STAG2: variants seen among roughly 807,000 people sequenced by gnomAD.
STAG2 encodes the protein cohesin subunit SA-2.
STAG2 carries 14 observed loss-of-function variants against 108.1 expected under a neutral mutation model. The observed-to-expected ratio is 0.13, with a 90% CI of 0.09 to 0.20. STAG2 has a LOEUF of 0.20. Among genes scored for constraint, STAG2 ranks in the 10% least tolerant of loss-of-function variants. The probability of loss-of-function intolerance (pLI) is 1.00; values close to 1 mark genes in which losing one functional copy is unlikely to be tolerated. For missense variants in STAG2, 440 were observed against 940.9 expected (o/e 0.47, Z 6.96); for synonymous variants, 307 against 302.7 (o/e 1.01, Z -0.15).
Position 124,002,404 on chromosome X carries a change from G to T in STAG2, c.-162-18963G>T, listed in dbSNP as rs762595997. On this transcript the variant is annotated intron_variant, in intron 1 of 34. Transcript: ENST00000371145. ...TTTGGGAGGCCAAGGCGGGAGCATT[G>T]CTTGCACTCGGGAGTTATAGGTTTG... Among the ~76,000 whole-genome samples the T allele has an allele frequency of 6.3e-5, 7 of 111,839 alleles. No homozygotes were observed. In the East Asian group the frequency reaches 1.7e-3, roughly 27 times the overall value.
chrX:124,057,233 A>G (rs1327246533), intron 14 of STAG2, among the ~76,000 whole-genome samples: 4 of 112,355 alleles, frequency 3.6e-5, no homozygotes, highest in Non-Finnish European at 7.5e-5. Context: ...AGATTGTTAT[A>G]TAATGGCTTT....
At chrX:124,020,914 T>C (rs1320961840) in intron 1 of STAG2, among the ~76,000 whole-genome samples, 34 of 111,783 alleles carry the variant, frequency 3.0e-4, no homozygotes, top group Non-Finnish European at 1.1e-4. Context: ...TCAAGTGACC[T>C]GCCCGCCTTG....
At chrX:123,978,070 G>A (rs182860314) in intron 1 of STAG2, among the ~76,000 whole-genome samples, 370 of 108,200 alleles carry the variant, frequency 3.4e-3, no homozygotes, top group African/African-American at 0.012. Context: ...TTTTGAACTC[G>A]TGGGCTCAAG....
intron 1 of STAG2, among the ~76,000 whole-genome samples, chrX:123,972,182 A>T (rs1340382816): frequency 5.6e-5 from 6 of 107,060 alleles, no homozygotes; most frequent in Non-Finnish European, 1.2e-4. Flanking sequence ...TTTTGTTTTC[A>T]TACTTGGCTA....
At chrX:124,036,260 A>G (rs183453118) in intron 5 of STAG2, among the ~76,000 whole-genome samples, 4 of 112,037 alleles carry the variant, frequency 3.6e-5, no homozygotes, top group East Asian at 5.6e-4. Flanking sequence ...TGGATTTCCT[A>G]TTTATTGGTA....
At chrX:124,001,152 G>A (rs1418575352) in intron 1 of STAG2, among the ~76,000 whole-genome samples, 4 of 110,922 alleles carry the variant, frequency 3.6e-5, no homozygotes, top group African/African-American at 9.8e-5. Flanking sequence ...GTGCAGTGGC[G>A]CAATCTTGGC....
At chrX:124,069,795 A>G (rs1278576201) in intron 24 of STAG2, among the ~76,000 whole-genome samples, 2 of 111,658 alleles carry the variant, frequency 1.8e-5, no homozygotes, top group Non-Finnish European at 3.8e-5. Flanking sequence ...AACTATAGCA[A>G]TAAAGGGTGT....
intron 27 of STAG2, among the ~76,000 whole-genome samples, chrX:124,079,240 G>A (rs1238410322): frequency 1.9e-5 from 2 of 106,842 alleles, no homozygotes; most frequent in South Asian, 4.4e-4. Context: ...CCAGGTTCAC[G>A]CCATTCTCCT....
intron 1 of STAG2, among the ~76,000 whole-genome samples, chrX:123,995,477 G>A (rs1286878163): frequency 2.7e-5 from 3 of 111,210 alleles, no homozygotes; most frequent in African/African-American, 6.5e-5. Flanking sequence ...GGTGGATCAC[G>A]AGGTGAGGAG....
intron 1 of STAG2, among the ~76,000 whole-genome samples, chrX:123,996,956 C>T (rs2055762216): frequency 8.9e-6 from 1 of 112,277 alleles, no homozygotes; most frequent in Non-Finnish European, 1.9e-5. Context: ...CTTTTTTTGA[C>T]ATATGGATAT....
At chrX:124,095,166 A>T (rs1197563449) in intron 33 of STAG2, among the ~76,000 whole-genome samples, 11 of 111,815 alleles carry the variant, frequency 9.8e-5, no homozygotes, top group African/African-American at 3.6e-4. Flanking sequence ...TGACCTCGTG[A>T]TCCACCCGCC....
In STAG2 at chrX:124,062,791, C is replaced by T. The variant is rs757326584; in HGVS notation, c.1639-111C>T. On this transcript the variant is annotated intron_variant, in intron 17 of 34. Transcript: ENST00000371145. ...ATGTTTTATAGTGAAATTTTTGTGTCCATCTCTTAAAATATAGTTTTAGTA... is the reference window on the plus strand; with the variant it reads ...ATGTTTTATAGTGAAATTTTTGTGTTCATCTCTTAAAATATAGTTTTAGTA... 4.1e-4 allele frequency: 208 copies of T among 510,864 alleles called. No homozygotes were observed. The African/African-American group carries it at 4.7e-3, about 12-fold the overall frequency. The allele number at this position is 510,864 out of a possible 1,213,427, so 42.1% of individuals were successfully genotyped here. A position where few individuals can be genotyped will look rare whatever the true frequency, so the allele number is the denominator to read the frequency against.
At chrX:123,962,915 CATT>C (rs1175920830) in intron 1 of STAG2, among the ~76,000 whole-genome samples, 2 of 111,554 alleles carry the variant, frequency 1.8e-5, no homozygotes, top group Admixed American at 9.5e-5. Flanking sequence ...GGATTGGACT[CATT>C]ATCAGCTTAA....
chrX:124,012,596 C>T (rs957534354), intron 1 of STAG2, among the ~76,000 whole-genome samples: 1 of 111,168 alleles, frequency 9.0e-6, no homozygotes, highest in South Asian at 3.7e-4. Flanking sequence ...GCTGGTAATG[C>T]TAAATATTTT....
chrX:124,097,179 C>CAAAAAAAAAAAAAAAAAAAAA (rs56942682), intron 34 of STAG2, among the ~76,000 whole-genome samples: 1 of 38,206 alleles, frequency 2.6e-5, no homozygotes. Flanking sequence ...GACCCTGTCT[C>CAAAAAAAAAAAAAAAAAAAAA]AAAAAAAAAA....
At chrX:124,081,262 A>G (rs1204080737) in intron 27 of STAG2, 118 bp from the exon 28 acceptor site, 2 of 471,228 alleles carry the variant, frequency 4.2e-6, no homozygotes, top group African/African-American at 2.5e-5. Flanking sequence ...GTGTTTTGCA[A>G]TAAAATACAG....
chrX:124,023,160 C>A (rs2056985319), intron 3 of STAG2, among the ~76,000 whole-genome samples: 1 of 111,900 alleles, frequency 8.9e-6, no homozygotes, highest in Non-Finnish European at 1.9e-5. Context: ...TAACTGTACT[C>A]CTTAGCTTTT....
At chrX:124,083,323 T>G in intron 28 of STAG2, 98 bp from the exon 29 acceptor site, 1 of 672,712 alleles carries the variant, frequency 1.5e-6, no homozygotes. Flanking sequence ...ATTAAAAGCT[T>G]GGCAAAGGAA....
intron 13 of STAG2, among the ~76,000 whole-genome samples, chrX:124,052,985 T>C (rs1383274299): frequency 4.5e-5 from 5 of 110,005 alleles, no homozygotes; most frequent in African/African-American, 1.7e-4. Context: ...CCTGGGTAAT[T>C]TTTGTATTTT....
Sources: gnomAD v4.1 joint callset for allele counts (sites outside exome capture counted in the v4.1 genomes callset) on GRCh38, gnomAD v4.1.1 for gene constraint, MANE v1.5 for transcripts, NCBI Gene and HGNC (gene_info 2026-07-23, HGNC 2026-07-21) for gene names.